Variants in SEL1L2 observed in about 807,000 individuals in gnomAD.
The protein encoded by SEL1L2 is protein sel-1 homolog 2.
Under a neutral mutation model 98.8 loss-of-function variants are expected in SEL1L2, and 89 were observed. That is an observed-to-expected ratio of 0.90 (90% CI 0.76 to 1.07). The LOEUF is 1.07. SEL1L2 is among the 50% of genes least tolerant of loss of function. The pLI, the probability that SEL1L2 is intolerant of heterozygous loss-of-function variation, is 0.00. For synonymous variants in SEL1L2, 262 were observed against 278.5 expected (o/e 0.94, Z 0.59); for missense variants, 788 against 812.0 (o/e 0.97, Z 0.36).
intron 10 of SEL1L2, among the ~76,000 whole-genome samples, chr20:13,882,106 A>G (rs935158728): frequency 1.3e-5 from 2 of 152,206 alleles, no homozygotes; most frequent in African/African-American, 4.8e-5. Flanking sequence ...AATTATTATG[A>G]GTCAATTAAA....
At chr20:13,881,478 A>G (rs2046698622) in intron 10 of SEL1L2, among the ~76,000 whole-genome samples, 4 of 152,184 alleles carry the variant, frequency 2.6e-5, no homozygotes. Flanking sequence ...ATCCATTTTA[A>G]TAATATTCAC....
chr20:13,963,517 G>C (rs2050882885), intron 1 of SEL1L2, among the ~76,000 whole-genome samples: 1 of 151,322 alleles, frequency 6.6e-6, no homozygotes, highest in Non-Finnish European at 1.5e-5. Context: ...AGGAGTTCGA[G>C]ACCAGCCTGG....
chr20:13,911,773 T>C (rs2048213993), intron 5 of SEL1L2, among the ~76,000 whole-genome samples: 1 of 152,118 alleles, frequency 6.6e-6, no homozygotes, highest in Non-Finnish European at 1.5e-5. Context: ...TTCGTTTTTG[T>C]AAAAAAATAA....
intron 19 of SEL1L2, 117 bp from the exon 20 acceptor site, chr20:13,849,721 C>T (rs1167965421): frequency 4.0e-6 from 5 of 1,264,106 alleles, no homozygotes; most frequent in African/African-American, 3.0e-5. Flanking sequence ...CCCTTTGCTT[C>T]CTTCAGTCTT....
In SEL1L2 at chr20:13,981,899, C is replaced by T. The variant is rs148094151; in HGVS notation, c.58+8578G>A. 1.9e-3 allele frequency among the ~76,000 whole-genome samples: 286 copies of T among 152,272 alleles called. 1 individual carries two copies. The highest frequency in any genetic ancestry group is 6.6e-3 in the African/African-American group (275 of 41,536). ...CAATTCCATAGGTTATTCAAAATAG[C>T]ACTGGTAGAAGCAAGAACATTTCTG... On this transcript the variant is annotated intron_variant, in intron 1 of 19. Coordinates refer to ENST00000284951, the MANE Select transcript of SEL1L2 (RefSeq NM_025229.2).
At chr20:13,947,453 T>C (rs1233495138) in intron 2 of SEL1L2, among the ~76,000 whole-genome samples, 1 of 152,178 alleles carries the variant, frequency 6.6e-6, no homozygotes, top group Non-Finnish European at 1.5e-5. Flanking sequence ...CTACCCACTT[T>C]GGGTCTCCTG....
rs1205650916 is a variant in SEL1L2 at position 13,869,518 on chromosome 20, C to T, written c.1240G>A (p.Gly414Ser). Residue 414 changes from glycine (G) to serine (S), a missense_variant, in exon 14 of 20, where the codon GGC becomes AGC. Gly to Ser is a moderately conservative substitution (Grantham distance 56). Coordinates refer to ENST00000284951, the MANE Select transcript of SEL1L2 (RefSeq NM_025229.2). ...KGWPDAQFQL[G>S]FMYYSGSGIW... ...TGGCACTTACAGTAGTACATGAAGC[C>T]TAACTGGAACTGTGCGTCGGGCCAC... 4 of 1,613,730 alleles carry T rather than the reference C, an allele frequency of 2.5e-6. No homozygotes were observed. The African/African-American group carries it at 4.0e-5, about 16-fold the overall frequency.
chr20:13,939,976 A>G (rs1034081042), intron 2 of SEL1L2, among the ~76,000 whole-genome samples: 9 of 152,304 alleles, frequency 5.9e-5, no homozygotes, highest in Non-Finnish European at 5.9e-5. Flanking sequence ...CAAAACCCCT[A>G]TTCTTTAAAA....
chr20:13,992,977 T>C (rs1459454515), upstream of SEL1L2, among the ~76,000 whole-genome samples: 1 of 152,138 alleles, frequency 6.6e-6, no homozygotes, highest in African/African-American at 2.4e-5. Flanking sequence ...CATTGGAGAT[T>C]AGGGCTTCAA....
chr20:13,902,746 A>G (rs796401954), intron 5 of SEL1L2, among the ~76,000 whole-genome samples: 56 of 152,278 alleles, frequency 3.7e-4, no homozygotes, highest in African/African-American at 1.3e-3. Flanking sequence ...AAAAACAATT[A>G]TTTTGAGAGG....
chr20:13,985,483 A>G (rs2052117372), intron 1 of SEL1L2, among the ~76,000 whole-genome samples: 3 of 152,118 alleles, frequency 2.0e-5, no homozygotes, highest in South Asian at 4.1e-4. Flanking sequence ...TCCACACACC[A>G]TTAGAATTGA....
intron 12 of SEL1L2, among the ~76,000 whole-genome samples, chr20:13,873,003 T>C (rs2147877556): frequency 6.6e-6 from 1 of 151,760 alleles, no homozygotes; most frequent in East Asian, 1.9e-4. Flanking sequence ...CTTTTTTTTT[T>C]TTTTTGAGAC....
intron 1 of SEL1L2, among the ~76,000 whole-genome samples, chr20:13,987,681 A>T (rs1418214281): frequency 1.3e-5 from 2 of 152,020 alleles, no homozygotes; most frequent in African/African-American, 4.8e-5. Context: ...TAACCATCCT[A>T]GTGGGTGTGA....
At chr20:13,918,215 C>T (rs2048494925) in intron 4 of SEL1L2, among the ~76,000 whole-genome samples, 1 of 152,182 alleles carries the variant, frequency 6.6e-6, no homozygotes, top group African/African-American at 2.4e-5. Context: ...TACTAAGTGT[C>T]AGGCACTATT....
chr20:13,860,071 G>A (rs1302245911), intron 17 of SEL1L2, among the ~76,000 whole-genome samples: 1 of 152,052 alleles, frequency 6.6e-6, no homozygotes, highest in African/African-American at 2.4e-5. Context: ...TTAACTCTTG[G>A]GAAGTTGGAC....
intron 16 of SEL1L2, 33 bp downstream of exon 16, chr20:13,865,316 T>G: frequency 6.2e-7 from 1 of 1,611,832 alleles, no homozygotes; most frequent in African/African-American, 1.3e-5. Flanking sequence ...TATGTATGAT[T>G]GGGGGATTGC....
At chr20:13,874,545 G>A (rs1470267573) in intron 12 of SEL1L2, among the ~76,000 whole-genome samples, 2 of 152,056 alleles carry the variant, frequency 1.3e-5, no homozygotes, top group Non-Finnish European at 2.9e-5. Flanking sequence ...TATTCTTATG[G>A]GCTGACAAAT....
intron 5 of SEL1L2, among the ~76,000 whole-genome samples, chr20:13,908,023 G>A (rs2048043253): frequency 6.8e-6 from 1 of 148,046 alleles, no homozygotes; most frequent in Non-Finnish European, 1.5e-5. Context: ...CTGGGCTCAA[G>A]TGATCTCCCG....
intron 1 of SEL1L2, among the ~76,000 whole-genome samples, chr20:13,957,947 C>T (rs1053831794): frequency 8.5e-5 from 13 of 152,076 alleles, no homozygotes; most frequent in African/African-American, 3.1e-4. Flanking sequence ...CTTTTAAAGA[C>T]GATACATATC....
Sources: allele counts gnomAD v4.1 joint callset (sites outside exome capture counted in the v4.1 genomes callset), GRCh38; gene constraint gnomAD v4.1.1; transcripts MANE v1.5; gene names NCBI Gene and HGNC (gene_info 2026-07-23, HGNC 2026-07-21).